Variants in PCDHGA2 observed in about 807,000 individuals in gnomAD.
PCDHGA2 encodes the protein protocadherin gamma subfamily A, 2.
A neutral mutation model predicts 59.2 loss-of-function variants in PCDHGA2; 40 were observed. That is an observed-to-expected ratio of 0.68 (90% CI 0.52 to 0.88). The LOEUF (loss-of-function observed/expected upper bound fraction) is 0.88. Ranked by LOEUF, PCDHGA2 falls within the 40% of genes least tolerant of loss-of-function variation. The probability of loss-of-function intolerance (pLI) is 0.00; values close to 1 mark genes in which losing one functional copy is unlikely to be tolerated. For missense variants in PCDHGA2, 1,226 were observed against 1,204.0 expected, an observed-to-expected ratio of 1.02 and a Z score of -0.27; for synonymous variants, 560 against 526.0, an observed-to-expected ratio of 1.06 and a Z score of -0.89.
At chr5:141,422,638 T>C (rs1412270971) in intron 1 of PCDHGA2, 1 of 1,612,392 alleles carries the variant, frequency 6.2e-7, no homozygotes, top group Non-Finnish European at 8.5e-7. Context: ...CAGGGGTGCC[T>C]CCATCTTCTC....
rs762068366 is a variant in PCDHGA2 at position 141,360,850 on chromosome 5, C to G, written c.2424+19455C>G. On this transcript the variant is annotated intron_variant, in intron 1 of 3. Coordinates refer to ENST00000394576, the MANE Select transcript of PCDHGA2 (RefSeq NM_018915.4). Reference sequence around the variant, plus strand: ...CAAAGTCACGGATGCCAACGATAACCCTCCAGTGTTCAGCCAGGACGTGTA... The same window carrying G: ...CAAAGTCACGGATGCCAACGATAACGCTCCAGTGTTCAGCCAGGACGTGTA... 16 of 1,613,984 alleles carry G rather than the reference C, an allele frequency of 9.9e-6. No individual in the cohort carries two copies. The African/African-American group carries it at 2.1e-4, about 22-fold the overall frequency.
At chr5:141,415,129 G>C in intron 1 of PCDHGA2, 1 of 1,613,656 alleles carries the variant, frequency 6.2e-7, no homozygotes, top group African/African-American at 1.3e-5. Flanking sequence ...GGCCGTCCAG[G>C]ACCACGGCCA....
chr5:141,454,990 T>C (rs548911982), intron 1 of PCDHGA2, among the ~76,000 whole-genome samples: 1 of 151,490 alleles, frequency 6.6e-6, no homozygotes, highest in African/African-American at 2.4e-5. Context: ...TAAAAAATAT[T>C]TTTAGTAGAG....
At chr5:141,345,643 G>A (rs1242064357) in intron 1 of PCDHGA2, 1 of 1,614,204 alleles carries the variant, frequency 6.2e-7, no homozygotes, top group Non-Finnish European at 8.5e-7. Flanking sequence ...GCCAGCGACA[G>A]CGGGAACCCT....
intron 1 of PCDHGA2, chr5:141,398,997 G>A: frequency 6.2e-7 from 1 of 1,613,934 alleles, no homozygotes; most frequent in Non-Finnish European, 8.5e-7. Flanking sequence ...TCTTTAGTCT[G>A]AATTCAAAGA....
chr5:141,364,374 T>C (rs1015001809), intron 1 of PCDHGA2: 42 of 1,573,582 alleles, frequency 2.7e-5, no homozygotes, highest in Non-Finnish European at 3.6e-5. Flanking sequence ...GAGCTGCTGC[T>C]GCCCTTCATG....
chr5:141,347,137 C>CTCTTTCTCTCTTTCTTTCTT (rs1757890365), intron 1 of PCDHGA2, among the ~76,000 whole-genome samples: 1 of 113,744 alleles, frequency 8.8e-6, no homozygotes, highest in African/African-American at 3.8e-5. Flanking sequence ...CTCTGTTTCT[C>CTCTTTCTCTCTTTCTTTCTT]TCTTTCTTTC....
intron 2 of PCDHGA2, among the ~76,000 whole-genome samples, chr5:141,504,563 C>G (rs1036149640): frequency 3.3e-5 from 5 of 149,436 alleles, no homozygotes; most frequent in African/African-American, 1.2e-4. Context: ...GACTGGCATT[C>G]TAGGGAACAC....
Position 141,340,727 on chromosome 5 carries a change from T to C in PCDHGA2, c.1756T>C (p.Tyr586His). ...ELAPRSAEPGYLVTKVVAVDR... is the reference protein window; with the variant it reads ...ELAPRSAEPGHLVTKVVAVDR... ...GGCGCCCCGCTCCGCAGAGCCCGGC[T>C]ACCTGGTGACCAAGGTGGTGGCGGT... is the stretch of plus-strand genomic sequence containing the variant. The change falls in exon 1 of 4, where the codon TAC (tyrosine) becomes CAC (histidine). Residue 586 changes from tyrosine to histidine, a missense_variant. Tyr to His is a moderately conservative substitution (Grantham distance 83). Coordinates refer to ENST00000394576, the MANE Select transcript of PCDHGA2 (RefSeq NM_018915.4). 6.2e-7 allele frequency: 1 copy of C among 1,613,998 alleles called. No homozygotes were observed. Among genetic ancestry groups the C allele is most frequent in the Non-Finnish European group, 8.5e-7 (1 of 1,180,020 alleles).
chr5:141,496,888 T>TAAA (rs35063790), intron 2 of PCDHGA2, among the ~76,000 whole-genome samples: 5 of 134,118 alleles, frequency 3.7e-5, no homozygotes, highest in East Asian at 4.4e-4. Context: ...AAGTAACACT[T>TAAA]AAAAAAAAAA....
At chr5:141,421,993 A>G in intron 1 of PCDHGA2, 1 of 1,609,190 alleles carries the variant, frequency 6.2e-7, no homozygotes, top group South Asian at 1.1e-5. Flanking sequence ...TCCAGAAAAC[A>G]TCAGCTCCGG....
At chr5:141,462,203 G>T (rs544238255) in intron 1 of PCDHGA2, among the ~76,000 whole-genome samples, 2 of 152,036 alleles carry the variant, frequency 1.3e-5, no homozygotes, top group African/African-American at 4.8e-5. Flanking sequence ...CAGGTGATCC[G>T]CCTGCCTCGG....
intron 3 of PCDHGA2, among the ~76,000 whole-genome samples, chr5:141,510,203 G>A (rs1164886289): frequency 6.6e-6 from 1 of 151,680 alleles, no homozygotes; most frequent in Non-Finnish European, 1.5e-5. Flanking sequence ...AGCCCAGGAG[G>A]CAGAGGTTGC....
At chr5:141,343,162 A>AT in intron 1 of PCDHGA2, 1 of 331,622 alleles carries the variant, frequency 3.0e-6, no homozygotes, top group South Asian at 1.2e-4. Flanking sequence ...CTGTGTCTAT[A>AT]TTGTTCACCT....
intron 1 of PCDHGA2, chr5:141,399,416 C>T: frequency 6.2e-7 from 1 of 1,614,046 alleles, no homozygotes; most frequent in African/African-American, 1.3e-5. Context: ...CCCCTCTCCT[C>T]CAGCATAAGC....
At chr5:141,503,801 G>A (rs920669425) in intron 2 of PCDHGA2, among the ~76,000 whole-genome samples, 1 of 151,990 alleles carries the variant, frequency 6.6e-6, no homozygotes, top group Admixed American at 6.6e-5. Flanking sequence ...ACTTAGGGAC[G>A]GGGAATCCCA....
At position 141,431,353 on chromosome 5, in the gene PCDHGA2, C is replaced by T. The variant is rs1273946805; in HGVS notation, c.2425-63454C>T. 1 of 1,613,940 alleles carries T rather than the reference C, an allele frequency of 6.2e-7. No homozygotes were observed. Among genetic ancestry groups the T allele is most frequent in the Non-Finnish European group, 8.5e-7 (1 of 1,180,042 alleles). On this transcript the variant is annotated intron_variant, in intron 1 of 3. Coordinates refer to ENST00000394576, the MANE Select transcript of PCDHGA2 (RefSeq NM_018915.4). This position sits in a 1 kb window ranked among gnomAD's most constrained non-coding sequence, Gnocchi z 4.8. ...AGTACCCCGAATTGGTGCTGAAACG[C>T]GCCCTGGACCGCGAAGAAAAGGCTG...
intron 1 of PCDHGA2, chr5:141,403,562 G>A (rs2094421705): frequency 6.2e-7 from 1 of 1,613,980 alleles, no homozygotes; most frequent in Non-Finnish European, 8.5e-7. Context: ...GGACAGGGAG[G>A]AGGCAACTGC....
intron 1 of PCDHGA2, chr5:141,421,118 T>A (rs572827470): frequency 1.3e-6 from 1 of 771,946 alleles, no homozygotes; most frequent in South Asian, 1.9e-5. Flanking sequence ...GTATTTTCCT[T>A]CGCTTTCTGA....
Sources: allele counts gnomAD v4.1 joint callset (sites outside exome capture counted in the v4.1 genomes callset), GRCh38; gene constraint gnomAD v4.1.1; non-coding constraint Gnocchi (gnomAD v3.1); transcripts MANE v1.5; gene names NCBI Gene and HGNC (gene_info 2026-07-23, HGNC 2026-07-21).